The following FANCA variants were observed in gnomAD, a reference collection of about 807,000 sequenced individuals.
The protein encoded by FANCA is Fanconi anemia group A protein.
In FANCA, 236 loss-of-function variants were observed where a neutral mutation model predicts 194.3. The observed-to-expected ratio is 1.21, with a 90% CI of 1.09 to 1.35. The LOEUF is 1.35. Among genes scored for constraint, FANCA ranks in the 40% most tolerant of loss-of-function variants. The probability of loss-of-function intolerance (pLI) is 0.00; values close to 1 mark genes in which losing one functional copy is unlikely to be tolerated. For missense variants in FANCA, 2,628 were observed against 1,813.9 expected (o/e 1.45, Z -8.15); for synonymous variants, 1,014 against 715.8 (o/e 1.42, Z -6.65).
At position 89,791,442 on chromosome 16, in the gene FANCA, C is replaced by G; in HGVS notation, c.1320G>C (p.Glu440Asp). ...CATATGACAGGAACGCAGAGGGGCCCTCCAGTGCTGCCTGGCGCACAACCA... is the reference window on the plus strand; with the variant it reads ...CATATGACAGGAACGCAGAGGGGCCGTCCAGTGCTGCCTGGCGCACAACCA... Reference protein sequence around the residue: ...AFLVVRQAALEGPSAFLSYAD... With the variant: ...AFLVVRQAALDGPSAFLSYAD... Residue 440 changes from glutamate (E) to aspartate (D), a missense_variant, in exon 14 of 43, where the codon GAG (glutamate) becomes GAC (aspartate). Physicochemically the swap from Glu to Asp is conservative, Grantham distance 45 (BLOSUM62 2). Transcript: ENST00000389301. The G allele has an allele frequency of 3.1e-6, 5 of 1,614,116 alleles. No individual in the cohort carries two copies. The highest frequency in any genetic ancestry group is 4.2e-6 in the Non-Finnish European group (5 of 1,179,992).
rs367726674 is a variant in FANCA at position 89,779,023 on chromosome 16, A to G, written c.1716-20T>C. The stretch of plus-strand genomic sequence containing the variant: ...AATATGCTGCAACACAGAGAAGCAG[A>G]CAGTGCATCAGTCAGAGCAGCGAGA... On this transcript the variant is annotated intron_variant, in intron 18 of 42. Coordinates refer to ENST00000389301, the MANE Select transcript of FANCA (RefSeq NM_000135.4). 82 of 1,612,100 alleles carry G rather than the reference A, an allele frequency of 5.1e-5. No homozygotes were observed. The African/African-American group carries it at 1.1e-3, about 21-fold the overall frequency.
intron 20 of FANCA, among the ~76,000 whole-genome samples, chr16:89,776,948 ATATT>A (rs2039526908): frequency 6.6e-6 from 1 of 152,082 alleles, no homozygotes; most frequent in African/African-American, 2.4e-5. Flanking sequence ...ACAGTGGCTC[ATATT>A]TGTAATCCCA....
chr16:89,801,882 C>T (rs957511704), intron 8 of FANCA, among the ~76,000 whole-genome samples: 6 of 151,254 alleles, frequency 4.0e-5, no homozygotes, highest in Non-Finnish European at 7.4e-5. Flanking sequence ...AGAGAGACAC[C>T]GTCTCAAAAA....
At chr16:89,773,081 A>C (rs1291865815) in intron 22 of FANCA, among the ~76,000 whole-genome samples, 190 bp downstream of exon 22, 1 of 152,194 alleles carries the variant, frequency 6.6e-6, no homozygotes, top group African/African-American at 2.4e-5. Context: ...TGACAGCTTC[A>C]GTAGGACTAG....
intron 27 of FANCA, among the ~76,000 whole-genome samples, chr16:89,765,614 C>G (rs549752025): frequency 1.3e-5 from 2 of 152,238 alleles, no homozygotes; most frequent in Admixed American, 1.3e-4. Context: ...CCAGGAATGG[C>G]GTTCCCACCA....
At chr16:89,801,203 G>A (rs1336093949) in intron 8 of FANCA, among the ~76,000 whole-genome samples, 1 of 151,658 alleles carries the variant, frequency 6.6e-6, no homozygotes, top group African/African-American at 2.4e-5. Flanking sequence ...AACTAGCCGG[G>A]AGTGGTGGTG....
chr16:89,791,813 G>T, intron 13 of FANCA, 114 bp downstream of exon 13: 2 of 1,366,906 alleles, frequency 1.5e-6, no homozygotes, highest in East Asian at 2.3e-5. Flanking sequence ...TGCAGGTTCC[G>T]GGCAGGTAGG....
chr16:89,799,319 G>A, intron 9 of FANCA, 87 bp from the exon 10 acceptor site: 1 of 1,496,302 alleles, frequency 6.7e-7, no homozygotes, highest in East Asian at 2.3e-5. Flanking sequence ...TCAGACAACA[G>A]ATCCACTTCA....
intron 17 of FANCA, among the ~76,000 whole-genome samples, chr16:89,782,183 G>C (rs1000369893): frequency 6.6e-6 from 1 of 151,072 alleles, no homozygotes; most frequent in African/African-American, 2.4e-5. Flanking sequence ...AGATCATCCT[G>C]GCTAACACGG....
At chr16:89,765,830 G>A (rs1020504285) in intron 27 of FANCA, among the ~76,000 whole-genome samples, 1 of 152,160 alleles carries the variant, frequency 6.6e-6, no homozygotes, top group Non-Finnish European at 1.5e-5. Context: ...TGGCACCAGG[G>A]ACAAAGTTCC....
Position 89,792,033 on chromosome 16 carries a change from G to A in FANCA, c.1119C>T (p.Gly373=), listed in dbSNP as rs1555561882. ...FVMLSAEELV[G]HLQEVLETQE... ...GCGTTTCCAGAACTTCTTGCAAATG[G>A]CCAACCAACTCCTCTGCACTCAGCA... The change falls in exon 13 of 43, where the codon GGC becomes GGT. Residue 373 remains glycine, a synonymous_variant. Transcript: ENST00000389301. 1 of 1,614,030 alleles carries A rather than the reference G, an allele frequency of 6.2e-7. No homozygotes were observed. The highest frequency in any genetic ancestry group is 1.3e-5 in the African/African-American group (1 of 74,924).
chr16:89,793,252 G>A (rs1311306142), intron 11 of FANCA, among the ~76,000 whole-genome samples: 2 of 152,044 alleles, frequency 1.3e-5, no homozygotes, highest in East Asian at 1.9e-4. Flanking sequence ...GCTTGGTGAC[G>A]GGCGTCTTCC....
chr16:89,775,201 G>A (rs1273112693), intron 21 of FANCA, among the ~76,000 whole-genome samples: 8 of 152,086 alleles, frequency 5.3e-5, no homozygotes, highest in Admixed American at 5.2e-4. Flanking sequence ...CACACTTCAA[G>A]AAAAACCAGC....
At chr16:89,800,966 G>A (rs2040428053) in intron 8 of FANCA, among the ~76,000 whole-genome samples, 2 of 150,034 alleles carry the variant, frequency 1.3e-5, no homozygotes, top group African/African-American at 5.0e-5. Context: ...CCGGTAGGCG[G>A]AGCTTGCAGT....
At chr16:89,807,150 G>A (rs931840753) in intron 6 of FANCA, among the ~76,000 whole-genome samples, 2 of 151,228 alleles carry the variant, frequency 1.3e-5, no homozygotes, top group Non-Finnish European at 2.9e-5. Context: ...TTGGTGCTGA[G>A]ATAAGATGTG....
chr16:89,804,629 C>G lies in FANCA; in HGVS notation c.709+651G>C, dbSNP rs544063482. Among the ~76,000 whole-genome samples, 7 of 152,136 alleles carry G rather than the reference C, an allele frequency of 4.6e-5. 1 individual carries two copies. The South Asian group carries it at 1.5e-3, about 32-fold the overall frequency. ...TGGTCCAAGCCATCTTCTGACAAAC[C>G]CAACTACTCCTCAAACTGGGTTGGT... On this transcript the variant is annotated intron_variant, in intron 7 of 42. Transcript: ENST00000389301.
Position 89,748,794 on chromosome 16 carries a change from C to T in FANCA, c.3240-27G>A, listed in dbSNP as rs202114915. On this transcript the variant is annotated intron_variant, in intron 32 of 42. Coordinates refer to ENST00000389301, the MANE Select transcript of FANCA (RefSeq NM_000135.4). ...TGGAAAGAAGGGGCTGTATTGGTGG[C>T]GACAGCACAGCGTACACTCTGCTCC... The T allele has an allele frequency of 2.0e-4, 324 of 1,586,746 alleles. 1 individual carries two copies. The highest frequency in any genetic ancestry group is 2.6e-4 in the Non-Finnish European group (299 of 1,157,076).
In FANCA at chr16:89,778,854, T is replaced by C. The variant is rs1422606508; in HGVS notation, c.1777-4A>G. 1 of 1,613,778 alleles carries C rather than the reference T, an allele frequency of 6.2e-7. No homozygotes were observed. The highest frequency in any genetic ancestry group is 1.7e-5 in the Admixed American group (1 of 59,928). On this transcript the variant is annotated splice_polypyrimidine_tract_variant and splice_region_variant and intron_variant, in intron 19 of 42. Transcript: ENST00000389301. The stretch of plus-strand genomic sequence containing the variant: ...GGGAGTCAGGGACTTTGGGGAGCTG[T>C]GGGAAGAGAAGAGACCTGTGAGAGA...
At chr16:89,765,857 G>A (rs2039109097) in intron 27 of FANCA, among the ~76,000 whole-genome samples, 1 of 152,186 alleles carries the variant, frequency 6.6e-6, no homozygotes, top group Non-Finnish European at 1.5e-5. Flanking sequence ...GAAATAACTG[G>A]AAATACGTGC....
Sources: allele counts gnomAD v4.1 joint callset (sites outside exome capture counted in the v4.1 genomes callset), GRCh38; gene constraint gnomAD v4.1.1; transcripts MANE v1.5; gene names NCBI Gene and HGNC (gene_info 2026-07-23, HGNC 2026-07-21).